Variants in LHX9 observed in about 807,000 individuals in gnomAD.
LHX9 encodes the protein LIM/homeobox protein Lhx9.
Under a neutral mutation model 36.5 loss-of-function variants are expected in LHX9, and 9 were observed. The observed-to-expected ratio is 0.25, with a 90% CI of 0.15 to 0.43. The LOEUF is 0.43. Among genes scored for constraint, LHX9 ranks in the 20% least tolerant of loss-of-function variants. LHX9 has a pLI of 1.00. For synonymous variants in LHX9, 211 were observed against 212.1 expected (o/e 0.99, Z 0.04); for missense variants, 464 against 526.4 (o/e 0.88, Z 1.16).
At chr1:197,920,211 C>A in intron 2 of LHX9, 37 bp downstream of exon 2, 1 of 1,593,522 alleles carries the variant, frequency 6.3e-7, no homozygotes, top group Non-Finnish European at 8.6e-7. Context: ...CGCCCGAGTA[C>A]ACCTGGAGGG....
At chr1:197,918,899 AG>A (rs1659877537) in intron 1 of LHX9, 1 of 151,620 alleles carries the variant, frequency 6.6e-6, no homozygotes, top group South Asian at 2.1e-4. Flanking sequence ...CAAACTAATC[AG>A]GAGACTGCTC....
upstream of LHX9, among the ~76,000 whole-genome samples, chr1:197,914,901 C>T (rs1659705462): frequency 6.6e-6 from 1 of 152,218 alleles, no homozygotes. Flanking sequence ...AGAAGGTGTT[C>T]TGCCTTGCCT....
At chr1:197,912,506 C>G, upstream of LHX9, 1 of 1,613,924 alleles carries the variant, frequency 6.2e-7, no homozygotes, top group Non-Finnish European at 8.5e-7. Flanking sequence ...ACCATTACGG[C>G]GTGATCCACT....
rs1420221421 is a variant in LHX9 at position 197,930,252 on chromosome 1, GGTTTT to G, written c.*1004_*1008del. ...GCCTGGTAGACTTATACCAACAATT[GGTTTT>G]GTTTTGTTTTATTTTATTTTGACAT... On this transcript the variant is annotated 3_prime_UTR_variant, in exon 5 of 5. Coordinates refer to ENST00000367387, the MANE Select transcript of LHX9 (RefSeq NM_020204.3). The G allele has an allele frequency of 5.5e-6, 1 of 182,742 alleles. No individual in the cohort carries two copies. The highest frequency in any genetic ancestry group is 6.5e-5 in the Admixed American group (1 of 15,280). 11.3% of individuals were successfully genotyped at this position (182,742 alleles called of 1,614,324 possible). A position where few individuals can be genotyped will look rare whatever the true frequency, so the allele number is the denominator to read the frequency against.
At position 197,917,934 on chromosome 1, in the gene LHX9, G is replaced by A; in HGVS notation, c.111G>A (p.Met37Ile). 1 of 1,614,210 alleles carries A rather than the reference G, an allele frequency of 6.2e-7. No individual in the cohort carries two copies. The highest frequency in any genetic ancestry group is 1.1e-5 in the South Asian group (1 of 91,088). Residue 37 changes from methionine (M) to isoleucine (I), a missense_variant, in exon 1 of 5, where the codon ATG becomes ATA. This residue lies in a region of LHX9 where 119 missense variants were observed against 102.4 expected (regional missense o/e 1.16). Coordinates refer to ENST00000367387, the MANE Select transcript of LHX9 (RefSeq NM_020204.3). Reference protein sequence around the residue: ...GGHIQGIMEEMERRSKTEARL... With the variant: ...GGHIQGIMEEIERRSKTEARL... ...ACATCCAAGGCATCATGGAGGAGAT[G>A]GAGCGCAGATCCAAGACTGAGGCCC...
In LHX9 at chr1:197,934,835, C is replaced by T. The variant is rs1660412243; in HGVS notation, c.*5576C>T. 1 of 151,178 alleles carries T rather than the reference C, an allele frequency of 6.6e-6. No individual in the cohort carries two copies. Among genetic ancestry groups the T allele is most frequent in the African/African-American group, 2.4e-5 (1 of 41,062 alleles). The allele number at this position is 151,178 out of a possible 1,614,324, so 9.4% of individuals were successfully genotyped here. On this transcript the variant is annotated 3_prime_UTR_variant, in exon 5 of 5. Transcript: ENST00000367387. ...AAACATTTTAATAATAGTGCTCTGC[C>T]CTCACAACAGTTTTTTTTTCAGAAT...
intron 1 of LHX9, chr1:197,918,331 G>A (rs1419594697): frequency 1.4e-6 from 1 of 717,504 alleles, no homozygotes; most frequent in Admixed American, 2.0e-5. Flanking sequence ...TCCCCGGCGA[G>A]GATCCGCAGC....
rs2102601689 is a variant in LHX9, at chr1:197,927,803, A to G, written c.936+10A>G. ...CAAAAGAGTTTTGCAGGTAAGACAC[A>G]TGCATCATTGACTGTGCATACATTT... On this transcript the variant is annotated intron_variant, in intron 4 of 4. Coordinates refer to ENST00000367387, the MANE Select transcript of LHX9 (RefSeq NM_020204.3). The G allele has an allele frequency of 6.2e-7, 1 of 1,610,510 alleles. No homozygotes were observed. Among genetic ancestry groups the G allele is most frequent in the Non-Finnish European group, 8.5e-7 (1 of 1,176,654 alleles).
At position 197,927,031 on chromosome 1, in the gene LHX9, A is replaced by C. The variant is rs6692087; in HGVS notation, c.734-560A>C. Among the ~76,000 whole-genome samples, 33 of 152,284 alleles carry C rather than the reference A, an allele frequency of 2.2e-4. 1 individual carries two copies. Among genetic ancestry groups the C allele is most frequent in the African/African-American group, 7.7e-4 (32 of 41,550 alleles). On this transcript the variant is annotated intron_variant, in intron 3 of 4. Coordinates refer to ENST00000367387, the MANE Select transcript of LHX9 (RefSeq NM_020204.3). ...GACGGAGCTCTAGGAATATGAGAAA[A>C]GGCTAACCCTTAGAATTGACCTAGA...
Position 197,927,778 on chromosome 1 carries a change from C to T in LHX9, c.921C>T (p.Thr307=). 1 of 1,614,146 alleles carries T rather than the reference C, an allele frequency of 6.2e-7. No individual in the cohort carries two copies. The highest frequency in any genetic ancestry group is 8.5e-7 in the Non-Finnish European group (1 of 1,179,986). Residue 307 remains threonine, a synonymous_variant, in exon 4 of 5, where the codon ACC becomes ACT. Coordinates refer to ENST00000367387, the MANE Select transcript of LHX9 (RefSeq NM_020204.3). The stretch of plus-strand genomic sequence containing the variant: ...AGCTTGCCCAGAAAACAGGTCTGAC[C>T]AAAAGAGTTTTGCAGGTAAGACACA... ...LKQLAQKTGL[T]KRVLQVWFQN... is the part of the protein sequence containing the mutation.
At chr1:197,918,997 G>T (rs941731121) in intron 1 of LHX9, among the ~76,000 whole-genome samples, 1 of 152,184 alleles carries the variant, frequency 6.6e-6, no homozygotes, top group Non-Finnish European at 1.5e-5. Context: ...CAGTGCCGGG[G>T]CCCCTGGTCG....
At chr1:197,928,914 G>GA (rs1274530304) in intron 4 of LHX9, 88 bp from the exon 5 acceptor site, 1 of 1,288,580 alleles carries the variant, frequency 7.8e-7, no homozygotes, top group South Asian at 2.1e-5. Context: ...AAGAAAGAAA[G>GA]AAAAAGAAAA....
rs1659978035 is a variant in LHX9 at position 197,921,348 on chromosome 1, C to T, written c.422C>T (p.Ser141Phe). 8.1e-6 allele frequency: 13 copies of T among 1,614,170 alleles called. No individual in the cohort carries two copies. Among genetic ancestry groups the T allele is most frequent in the Non-Finnish European group, 1.1e-5 (13 of 1,180,022 alleles). Residue 141 changes from serine to phenylalanine, a missense_variant, in exon 3 of 5, where the codon TCC (serine) becomes TTC (phenylalanine). By Grantham distance (155) the Ser-to-Phe change is radical (BLOSUM62 -2). Coordinates refer to ENST00000367387, the MANE Select transcript of LHX9 (RefSeq NM_020204.3). The surrounding 1 kb of genome is among the most constrained non-coding windows in gnomAD (Gnocchi z 4.6). Reference sequence around the variant, plus strand: ...TGTGCCCGCTGCCACCTTGGCATTTCCGCCTCGGAGATGGTCATGCGCGCC... The same window carrying T: ...TGTGCCCGCTGCCACCTTGGCATTTTCGCCTCGGAGATGGTCATGCGCGCC... ...QRCARCHLGISASEMVMRARD... is the reference protein window; with the variant it reads ...QRCARCHLGIFASEMVMRARD...
At chr1:197,928,095 G>A (rs41330044) in intron 4 of LHX9, among the ~76,000 whole-genome samples, 2,403 of 152,250 alleles carry the variant, frequency 0.016, 31 homozygotes, top group Non-Finnish European at 0.024. Context: ...ATTTGCACAG[G>A]CCGTGGCTTT....
At chr1:197,918,728 T>TA (rs1659860754) in intron 1 of LHX9, 1 of 163,198 alleles carries the variant, frequency 6.1e-6, no homozygotes, top group African/African-American at 2.6e-5. Flanking sequence ...TCCATAATAA[T>TA]AAAGTCATGT....
At chr1:197,917,103 T>G, upstream of LHX9, 2 of 172,336 alleles carry the variant, frequency 1.2e-5, no homozygotes, top group Non-Finnish European at 1.1e-5. Context: ...TGTGTGTGTG[T>G]GTGTGTGTGT....
intron 2 of LHX9, among the ~76,000 whole-genome samples, chr1:197,920,807 C>T (rs1406467621): frequency 6.6e-6 from 1 of 152,186 alleles, no homozygotes; most frequent in African/African-American, 2.4e-5. Flanking sequence ...GTTCCGCTCT[C>T]AGCCCAAGCA....
At position 197,929,427 on chromosome 1, in the gene LHX9, G is replaced by C; in HGVS notation, c.*168G>C. 1 of 1,143,218 alleles carries C rather than the reference G, an allele frequency of 8.7e-7. No homozygotes were observed. The highest frequency in any genetic ancestry group is 1.1e-6 in the Non-Finnish European group (1 of 935,304). 70.8% of individuals were successfully genotyped at this position (1,143,218 alleles called of 1,614,324 possible). On this transcript the variant is annotated 3_prime_UTR_variant, in exon 5 of 5. Coordinates refer to ENST00000367387, the MANE Select transcript of LHX9 (RefSeq NM_020204.3). ...TAGCATCTGCAGCCACTTGGCAAAT[G>C]AGTTTACAGTATTGTCTCCTTTAAG... is the stretch of plus-strand genomic sequence containing the variant.
Position 197,934,795 on chromosome 1 carries a change from T to A in LHX9, c.*5536T>A, listed in dbSNP as rs1469351541. On this transcript the variant is annotated 3_prime_UTR_variant, in exon 5 of 5. Transcript: ENST00000367387. ...CAAAAATAGGAAGTTTTTTTAATGG[T>A]TTACTGTTGATTTTAAACATTTTAA... The A allele has an allele frequency of 1.3e-5, 2 of 152,070 alleles. No individual in the cohort carries two copies. Among genetic ancestry groups the A allele is most frequent in the Non-Finnish European group, 2.9e-5 (2 of 67,996 alleles). The allele number at this position is 152,070 out of a possible 1,614,324, so 9.4% of individuals were successfully genotyped here. A position where few individuals can be genotyped will look rare whatever the true frequency, so the allele number is the denominator to read the frequency against.
Sources: allele counts gnomAD v4.1 joint callset (sites outside exome capture counted in the v4.1 genomes callset), GRCh38; gene constraint gnomAD v4.1.1; regional missense constraint gnomAD v4.1.1; non-coding constraint Gnocchi (gnomAD v3.1); transcripts MANE v1.5; gene names NCBI Gene and HGNC (gene_info 2026-07-23, HGNC 2026-07-21).